Variants in NME1 observed in about 807,000 individuals in gnomAD.
The protein encoded by NME1 is NME/NM23 nucleoside diphosphate kinase 1.
NME1 carries 9 observed loss-of-function variants against 17.2 expected under a neutral mutation model. That is an observed-to-expected ratio of 0.52 (90% CI 0.32 to 0.92). The LOEUF is 0.92. Ranked by LOEUF, NME1 falls within the 40% of genes least tolerant of loss-of-function variation. The pLI, the probability that NME1 is intolerant of heterozygous loss-of-function variation, is 0.04. For missense variants in NME1, 169 were observed against 201.7 expected (o/e 0.84, Z 0.98); for synonymous variants, 72 against 70.8 (o/e 1.02, Z -0.09).
intron 2 of NME1, among the ~76,000 whole-genome samples, chr17:51,158,769 G>A (rs2144864997): frequency 6.6e-6 from 1 of 152,340 alleles, no homozygotes; most frequent in East Asian, 1.9e-4. Context: ...GACCCTGTTA[G>A]ATTTTAACAA....
chr17:51,155,480 A>G (rs900227468), intron 1 of NME1, among the ~76,000 whole-genome samples, 171 bp from the exon 2 acceptor site: 1 of 152,252 alleles, frequency 6.6e-6, no homozygotes, highest in African/African-American at 2.4e-5. Context: ...CCACATTGAC[A>G]TATTAGTTCA....
chr17:51,154,043 G>A, intron 1 of NME1: 1 of 355,500 alleles, frequency 2.8e-6, no homozygotes, highest in South Asian at 2.7e-5. Flanking sequence ...CCGATGTGGA[G>A]GGACATTTTT....
Position 51,162,130 on chromosome 17 carries a change from A to C in NME1, c.*285A>C. 1 of 330,900 alleles carries C rather than the reference A, an allele frequency of 3.0e-6. No homozygotes were observed. The highest frequency in any genetic ancestry group is 3.4e-5 in the South Asian group (1 of 29,506). The allele number at this position is 330,900 out of a possible 1,614,324, so 20.5% of individuals were successfully genotyped here. A position where few individuals can be genotyped will look rare whatever the true frequency, so the allele number is the denominator to read the frequency against. ...ATAACCTGACCTAATAGAGAGTGTA[A>C]ATACTATAAAAATGATTTATTTTGA... On this transcript the variant is annotated 3_prime_UTR_variant, in exon 5 of 5. Transcript: ENST00000393196.
At chr17:51,157,581 G>A (rs1180792339) in intron 2 of NME1, among the ~76,000 whole-genome samples, 1 of 152,202 alleles carries the variant, frequency 6.6e-6, no homozygotes, top group African/African-American at 2.4e-5. Flanking sequence ...AAGGTAACAT[G>A]AGATGGATGT....
rs146123557 is a variant in NME1 at position 51,157,465 on chromosome 17, C to G, written c.126+1685C>G. Among the ~76,000 whole-genome samples the G allele has an allele frequency of 4.4e-3, 670 of 152,250 alleles. 6 individuals carry two copies. Among genetic ancestry groups the G allele is most frequent in the African/African-American group, 0.015 (614 of 41,548 alleles). ...TTAATCTGTTCATGAGGGTGAAGCC[C>G]TCATGACCTAAACACCTCCCATTAG... is the stretch of plus-strand genomic sequence containing the variant. On this transcript the variant is annotated intron_variant, in intron 2 of 4. Coordinates refer to ENST00000393196, the MANE Select transcript of NME1 (RefSeq NM_000269.3).
At position 51,155,671 on chromosome 17, in the gene NME1, G is replaced by A. The variant is rs549666032; in HGVS notation, c.17G>A (p.Arg6His). MANCE[R>H]TFIAIKPDGV... ...CCCAGAACCATGGCCAACTGTGAGCGTACCTTCATTGCGATCAAACCAGAT... is the reference window on the plus strand; with the variant it reads ...CCCAGAACCATGGCCAACTGTGAGCATACCTTCATTGCGATCAAACCAGAT... Residue 6 changes from arginine to histidine, a missense_variant, in exon 2 of 5, where the codon CGT becomes CAT. Arg to His is a conservative substitution (Grantham distance 29). Transcript: ENST00000393196. 147 of 1,613,970 alleles carry A rather than the reference G, an allele frequency of 9.1e-5. 1 individual carries two copies. In the South Asian group the frequency reaches 1.1e-3, roughly 12 times the overall value.
chr17:51,154,218 C>T, intron 1 of NME1: 1 of 683,184 alleles, frequency 1.5e-6, no homozygotes, highest in South Asian at 1.5e-5. Flanking sequence ...CTCCTATTGA[C>T]TGCTAGGCCC....
chr17:51,161,259 A>T lies in NME1; in HGVS notation c.328A>T (p.Ile110Leu), dbSNP rs371019977. The T allele has an allele frequency of 6.2e-7, 1 of 1,610,326 alleles. No homozygotes were observed. The highest frequency in any genetic ancestry group is 1.3e-5 in the African/African-American group (1 of 74,890). Reference sequence around the variant, plus strand: ...TGGGACCATCCGTGGAGACTTCTGCATACAAGTTGGCAGGTGAGATTTTGG... The same window carrying T: ...TGGGACCATCCGTGGAGACTTCTGCTTACAAGTTGGCAGGTGAGATTTTGG... ...KPGTIRGDFC[I>L]QVGRNIIHGS... The change falls in exon 4 of 5, where the codon ATA becomes TTA. Residue 110 changes from isoleucine to leucine, a missense_variant. Coordinates refer to ENST00000393196, the MANE Select transcript of NME1 (RefSeq NM_000269.3).
At chr17:51,159,527 G>A (rs1430771020) in intron 2 of NME1, among the ~76,000 whole-genome samples, 1 of 152,068 alleles carries the variant, frequency 6.6e-6, no homozygotes, top group Non-Finnish European at 1.5e-5. Context: ...AACCCAGGAG[G>A]TGGAGGTTGC....
rs1446138180 is a variant in NME1, at chr17:51,155,670, C to T, written c.16C>T (p.Arg6Cys). The T allele has an allele frequency of 3.7e-6, 6 of 1,613,936 alleles. No homozygotes were observed. The highest frequency in any genetic ancestry group is 1.7e-4 in the Middle Eastern group (1 of 6,060). Reference sequence around the variant, plus strand: ...CCCCAGAACCATGGCCAACTGTGAGCGTACCTTCATTGCGATCAAACCAGA... The same window carrying T: ...CCCCAGAACCATGGCCAACTGTGAGTGTACCTTCATTGCGATCAAACCAGA... The part of the protein sequence containing the change: MANCE[R>C]TFIAIKPDGV... Residue 6 changes from arginine (R) to cysteine (C), a missense_variant, in exon 2 of 5, where the codon CGT becomes TGT. Transcript: ENST00000393196.
At chr17:51,154,582 T>A in intron 1 of NME1, 1 of 714,654 alleles carries the variant, frequency 1.4e-6, no homozygotes, top group Non-Finnish European at 2.5e-6. Flanking sequence ...GTTTATTGGC[T>A]AGTCAAAATA....
At chr17:51,155,179 T>C (rs1251774109) in intron 1 of NME1, among the ~76,000 whole-genome samples, 1 of 149,368 alleles carries the variant, frequency 6.7e-6, no homozygotes, top group Non-Finnish European at 1.5e-5. Flanking sequence ...GAAGTGGAGG[T>C]TGCAGTGAGC....
intron 1 of NME1, among the ~76,000 whole-genome samples, chr17:51,154,846 G>A (rs1007345076): frequency 2.6e-5 from 4 of 152,172 alleles, no homozygotes; most frequent in Non-Finnish European, 5.9e-5. Flanking sequence ...TTTCTCCCAA[G>A]CTTGATTATT....
chr17:51,160,614 T>TC, intron 3 of NME1: 1 of 214,202 alleles, frequency 4.7e-6, no homozygotes. Flanking sequence ...GCATTTCTTT[T>TC]TTTTTTTTTT....
chr17:51,161,532 G>C, intron 4 of NME1, 196 bp from the exon 5 acceptor site: 1 of 671,178 alleles, frequency 1.5e-6, no homozygotes, highest in Non-Finnish European at 2.6e-6. Context: ...GTTTGCACCA[G>C]CGTGGCCGGG....
intron 2 of NME1, 41 bp downstream of exon 2, chr17:51,155,821 T>C: frequency 6.2e-7 from 1 of 1,610,794 alleles, no homozygotes; most frequent in East Asian, 2.2e-5. Flanking sequence ...TCCTTCATAG[T>C]ATAGGAGAAC....
chr17:51,157,275 T>C (rs1282364138), intron 2 of NME1, among the ~76,000 whole-genome samples: 2 of 152,114 alleles, frequency 1.3e-5, no homozygotes, highest in Admixed American at 6.6e-5. Flanking sequence ...ATGTTCATGC[T>C]GAGAGGAGAA....
chr17:51,155,150 A>G (rs1314103401), intron 1 of NME1, among the ~76,000 whole-genome samples: 2 of 151,506 alleles, frequency 1.3e-5, no homozygotes, highest in Non-Finnish European at 2.9e-5. Context: ...AGGTTGAGGT[A>G]GGAGAATTGC....
At chr17:51,159,617 T>A (rs1201751315) in intron 2 of NME1, among the ~76,000 whole-genome samples, 3 of 151,552 alleles carry the variant, frequency 2.0e-5, no homozygotes, top group South Asian at 2.1e-4. Flanking sequence ...AATAAATAAA[T>A]AAAATTAGCC....
Sources: allele counts gnomAD v4.1 joint callset (sites outside exome capture counted in the v4.1 genomes callset), GRCh38; gene constraint gnomAD v4.1.1; transcripts MANE v1.5; gene names NCBI Gene and HGNC (gene_info 2026-07-23, HGNC 2026-07-21).